PTPRQ: variants seen among roughly 807,000 people sequenced by gnomAD.
PTPRQ encodes the protein protein tyrosine phosphatase receptor type Q.
PTPRQ carries 199 observed loss-of-function variants against 246.0 expected under a neutral mutation model. The ratio of observed to expected loss-of-function variants is 0.81; its 90% CI spans 0.72 to 0.91. The LOEUF is 0.91. Ranked by LOEUF, PTPRQ falls within the 40% of genes least tolerant of loss-of-function variation. PTPRQ has a pLI of 0.00. For synonymous variants in PTPRQ, 869 were observed against 853.2 expected (o/e 1.02, Z -0.32); for missense variants, 2,624 against 2,528.4 (o/e 1.04, Z -0.81).
chr12:80,522,695 G>T (rs1895541224), intron 17 of PTPRQ, among the ~76,000 whole-genome samples: 1 of 152,174 alleles, frequency 6.6e-6, no homozygotes, highest in Non-Finnish European at 1.5e-5. Context: ...AGCCAGCCTT[G>T]CATCCCAGGG....
chr12:80,496,463 G>A lies in PTPRQ; in HGVS notation c.2204G>A (p.Arg735Lys), dbSNP rs922179431. ...CACACCCTCTATAACATTTCTGTAA[G>A]GTCTTACACCAGATTTGGTCATGGC... The part of the protein sequence containing the change: ...RPHTLYNISV[R>K]SYTRFGHGNQ... The change falls in exon 14 of 45, where the codon AGG becomes AAG. Residue 735 changes from arginine (R) to lysine (K), a missense_variant. Physicochemically the swap from Arg to Lys is conservative, Grantham distance 26. Transcript: ENST00000644991. 9 of 1,550,504 alleles carry A rather than the reference G, an allele frequency of 5.8e-6. No homozygotes were observed. The African/African-American group carries it at 1.2e-4, about 21-fold the overall frequency.
rs1894270244 is a variant in PTPRQ at position 80,486,198 on chromosome 12, A to T, written c.1359+1593A>T. On this transcript the variant is annotated intron_variant, in intron 9 of 44. Coordinates refer to ENST00000644991, the MANE Select transcript of PTPRQ (RefSeq NM_001145026.2). Reference sequence around the variant, plus strand: ...ATGTGTGTAAAGAGCTTAGAACTGTACCTGGCATATAGTAAGTGCTGTGCT... The same window carrying T: ...ATGTGTGTAAAGAGCTTAGAACTGTTCCTGGCATATAGTAAGTGCTGTGCT... Among the ~76,000 whole-genome samples, 3 of 152,270 alleles carry T rather than the reference A, an allele frequency of 2.0e-5. No homozygotes were observed. In the South Asian group the frequency reaches 6.2e-4, roughly 32 times the overall value.
chr12:80,678,773 C>T lies in PTPRQ; in HGVS notation c.6862+48C>T, dbSNP rs191134549. ...GCCCAGCTTACTAGTTTACCACCTA[C>T]GGTAAGAACATAAATTTCAGAATAA... On this transcript the variant is annotated intron_variant, in intron 44 of 44. Transcript: ENST00000644991. 1.2e-4 allele frequency: 178 copies of T among 1,491,858 alleles called. No homozygotes were observed. In the African/African-American group the frequency reaches 1.8e-3, roughly 15 times the overall value. The allele number at this position is 1,491,858 out of a possible 1,614,324, so 92.4% of individuals were successfully genotyped here. A position where few individuals can be genotyped will look rare whatever the true frequency, so the allele number is the denominator to read the frequency against.
In PTPRQ at chr12:80,542,082, T is replaced by A; in HGVS notation, c.3446-7T>A. The A allele has an allele frequency of 1.3e-6, 2 of 1,536,688 alleles. No homozygotes were observed. The highest frequency in any genetic ancestry group is 1.7e-6 in the Non-Finnish European group (2 of 1,143,638). On this transcript the variant is annotated splice_polypyrimidine_tract_variant and splice_region_variant and intron_variant, in intron 21 of 44. Coordinates refer to ENST00000644991, the MANE Select transcript of PTPRQ (RefSeq NM_001145026.2). ...GTTTCATTTAATATTCTCTTTTTCT[T>A]TTATAGTCCCAGAAACTTCACCAAT... is the stretch of plus-strand genomic sequence containing the variant.
At chr12:80,496,146 T>C (rs1894612714) in intron 13 of PTPRQ, 40 bp downstream of exon 13, 2 of 1,543,664 alleles carry the variant, frequency 1.3e-6, no homozygotes, top group Non-Finnish European at 1.7e-6. Context: ...TTTAAAAAAG[T>C]GGTTGTAAAT....
At chr12:80,505,816 G>A (rs2120695164) in intron 14 of PTPRQ, among the ~76,000 whole-genome samples, 1 of 151,974 alleles carries the variant, frequency 6.6e-6, no homozygotes, top group East Asian at 1.9e-4. Context: ...TGGAATCATA[G>A]TAGCATTTTC....
chr12:80,672,310 T>C (rs549582183), intron 42 of PTPRQ, among the ~76,000 whole-genome samples: 21 of 151,040 alleles, frequency 1.4e-4, no homozygotes, highest in African/African-American at 4.6e-4. Context: ...CTGTGTGGCA[T>C]GTATATATAT....
chr12:80,583,731 C>G (rs1372415366), intron 25 of PTPRQ: 2 of 152,146 alleles, frequency 1.3e-5, no homozygotes, highest in Non-Finnish European at 2.9e-5. Flanking sequence ...TTCTATAGGT[C>G]AGAAGTCCAG....
intron 25 of PTPRQ, among the ~76,000 whole-genome samples, chr12:80,573,919 TAATA>T (rs1897217409): frequency 6.6e-6 from 1 of 152,174 alleles, no homozygotes; most frequent in African/African-American, 2.4e-5. Context: ...TCCATGTGGT[TAATA>T]GTGTTTTGCA....
chr12:80,620,459 C>T, intron 32 of PTPRQ, 83 bp downstream of exon 32: 1 of 1,521,734 alleles, frequency 6.6e-7, no homozygotes, highest in Non-Finnish European at 8.8e-7. Flanking sequence ...GTCCTTTCAT[C>T]TTTCCAATAA....
At position 80,678,744 on chromosome 12, in the gene PTPRQ, A is replaced by T. The variant is rs765113824; in HGVS notation, c.6862+19A>T. 1 of 1,541,234 alleles carries T rather than the reference A, an allele frequency of 6.5e-7. No individual in the cohort carries two copies. The highest frequency in any genetic ancestry group is 8.8e-7 in the Non-Finnish European group (1 of 1,142,510). ...ATGGAAGGTAAACAGAAACAACAGT[A>T]TATGCCCAGCTTACTAGTTTACCAC... is the stretch of plus-strand genomic sequence containing the variant. On this transcript the variant is annotated intron_variant, in intron 44 of 44. Coordinates refer to ENST00000644991, the MANE Select transcript of PTPRQ (RefSeq NM_001145026.2).
chr12:80,660,377 C>T (rs1900588900), intron 39 of PTPRQ, among the ~76,000 whole-genome samples: 2 of 151,938 alleles, frequency 1.3e-5, no homozygotes, highest in South Asian at 2.1e-4. Flanking sequence ...CTGCCGTTGG[C>T]CATTCTCGAG....
rs571154397 is a variant in PTPRQ at position 80,554,084 on chromosome 12, G to T, written c.4285+4350G>T. Among the ~76,000 whole-genome samples the T allele has an allele frequency of 1.3e-4, 19 of 151,488 alleles. No homozygotes were observed. In the South Asian group the frequency reaches 3.1e-3, roughly 25 times the overall value. On this transcript the variant is annotated intron_variant, in intron 25 of 44. Coordinates refer to ENST00000644991, the MANE Select transcript of PTPRQ (RefSeq NM_001145026.2). The stretch of plus-strand genomic sequence containing the variant: ...TGGAAAAGGTAGGAGGGGCAGGGGG[G>T]GTAGGAAAAGCGGGGATGGTTAAGG...
At chr12:80,520,528 A>C (rs1224256400) in intron 17 of PTPRQ, among the ~76,000 whole-genome samples, 3 of 100,326 alleles carry the variant, frequency 3.0e-5, no homozygotes, top group Non-Finnish European at 5.6e-5. Context: ...ACCCCACAAC[A>C]GGCCCCGGTG....
At chr12:80,618,852 T>G (rs1348306555) in intron 30 of PTPRQ, among the ~76,000 whole-genome samples, 1 of 151,474 alleles carries the variant, frequency 6.6e-6, no homozygotes, top group Non-Finnish European at 1.5e-5. Flanking sequence ...TAGAGCCCCA[T>G]TAGAAAAAGC....
intron 25 of PTPRQ, among the ~76,000 whole-genome samples, chr12:80,560,435 A>G (rs1376282193): frequency 1.3e-5 from 2 of 152,178 alleles, no homozygotes; most frequent in Non-Finnish European, 2.9e-5. Context: ...ACCCATACTA[A>G]CTTATGATTT....
chr12:80,632,841 A>T (rs1023474558), intron 34 of PTPRQ, among the ~76,000 whole-genome samples: 5 of 152,202 alleles, frequency 3.3e-5, no homozygotes, highest in Non-Finnish European at 7.3e-5. Flanking sequence ...TAATAGAAGC[A>T]TCCCATTCTT....
At chr12:80,541,467 C>T in intron 20 of PTPRQ, 88 bp from the exon 21 acceptor site, 2 of 1,064,312 alleles carry the variant, frequency 1.9e-6, no homozygotes, top group South Asian at 3.8e-5. Context: ...GTAATAGTTG[C>T]CATTTCAACA....
chr12:80,621,204 A>G (rs1898973356), intron 32 of PTPRQ, among the ~76,000 whole-genome samples: 1 of 151,934 alleles, frequency 6.6e-6, no homozygotes, highest in African/African-American at 2.4e-5. Flanking sequence ...TCTCTATTAA[A>G]TGCAATTACT....
Sources: gnomAD v4.1 joint callset for allele counts (sites outside exome capture counted in the v4.1 genomes callset) on GRCh38, gnomAD v4.1.1 for gene constraint, MANE v1.5 for transcripts, NCBI Gene and HGNC (gene_info 2026-07-23, HGNC 2026-07-21) for gene names.